SPATA6: variants seen among roughly 807,000 people sequenced by gnomAD.
SPATA6 encodes the protein spermatogenesis-associated protein 6.
SPATA6 carries 56 observed loss-of-function variants against 65.3 expected under a neutral mutation model. That is an observed-to-expected ratio of 0.86 (90% CI 0.69 to 1.07). The LOEUF is 1.07. SPATA6 is among the 50% of genes least tolerant of loss of function. SPATA6 has a pLI of 0.00. For missense variants in SPATA6, 590 were observed against 594.8 expected (o/e 0.99, Z 0.08); for synonymous variants, 199 against 213.2 (o/e 0.93, Z 0.58).
intron 11 of SPATA6, among the ~76,000 whole-genome samples, chr1:48,334,859 T>C (rs990700520): frequency 1.3e-5 from 2 of 152,184 alleles, no homozygotes; most frequent in African/African-American, 2.4e-5. Flanking sequence ...TGTGTGTATA[T>C]GACATGATTT....
chr1:48,320,298 C>G (rs1177259386), intron 11 of SPATA6, among the ~76,000 whole-genome samples: 1 of 152,194 alleles, frequency 6.6e-6, no homozygotes, highest in Non-Finnish European at 1.5e-5. Context: ...CCAACTAAGA[C>G]TACCTCAAGA....
At chr1:48,283,189 G>C in the SPATA6 span, among the ~76,000 whole-genome samples, 1 of 49,758 alleles carries the variant, frequency 2.0e-5, no homozygotes, top group South Asian at 1.0e-3. Context: ...GTTGTGGGGT[G>C]GGGGGAGGGG....
chr1:48,385,396 CT>C lies in SPATA6; in HGVS notation c.869-48del, dbSNP rs750518838. 5.2e-6 allele frequency: 8 copies of C among 1,544,634 alleles called. No individual in the cohort carries two copies. In the East Asian group the frequency reaches 6.9e-5, roughly 13 times the overall value. On this transcript the variant is annotated intron_variant, in intron 8 of 12. Transcript: ENST00000371847. ...AATTAAAGTTTAAATTTGGTTTCAT[CT>C]TTGATTTTTAATACTATCATTGTTT... is the stretch of plus-strand genomic sequence containing the variant.
chr1:48,470,935 G>C (rs1197597164), intron 1 of SPATA6, among the ~76,000 whole-genome samples: 1 of 152,142 alleles, frequency 6.6e-6, no homozygotes, highest in Non-Finnish European at 1.5e-5. Flanking sequence ...GTGAATTTTG[G>C]TTCCAAACTC....
chr1:48,367,860 G>C (rs1358929692), intron 9 of SPATA6, among the ~76,000 whole-genome samples: 7 of 152,124 alleles, frequency 4.6e-5, no homozygotes, highest in Non-Finnish European at 5.9e-5. Context: ...TGGTTATTTT[G>C]CTCATTAGTT....
chr1:48,425,388 T>C (rs1653740092), intron 3 of SPATA6, among the ~76,000 whole-genome samples: 3 of 152,182 alleles, frequency 2.0e-5, no homozygotes, highest in Non-Finnish European at 4.4e-5. Flanking sequence ...GCTGCAAGTA[T>C]TTTGTATTTC....
chr1:48,418,618 C>T (rs963839813), intron 3 of SPATA6, among the ~76,000 whole-genome samples: 2 of 142,372 alleles, frequency 1.4e-5, no homozygotes, highest in African/African-American at 5.2e-5. Flanking sequence ...GTCCCAGATA[C>T]TTGGGAGGCT....
chr1:48,299,702 T>C (rs1251013339), intron 12 of SPATA6, among the ~76,000 whole-genome samples: 2 of 152,016 alleles, frequency 1.3e-5, no homozygotes, highest in African/African-American at 4.8e-5. Flanking sequence ...CGTTATTAAA[T>C]ATGAGACACT....
At chr1:48,314,326 A>T (rs1201112600) in intron 11 of SPATA6, among the ~76,000 whole-genome samples, 101 of 152,160 alleles carry the variant, frequency 6.6e-4, no homozygotes, top group Admixed American at 6.5e-3. Context: ...AAGAACAGAA[A>T]TTATAACAAA....
chr1:48,341,662 T>C (rs1236671481), intron 11 of SPATA6, among the ~76,000 whole-genome samples: 2 of 152,190 alleles, frequency 1.3e-5, no homozygotes, highest in Non-Finnish European at 2.9e-5. Flanking sequence ...GAAAAAAACA[T>C]GGTTTCTGAG....
chr1:48,295,390 T>A lies in SPATA6; in HGVS notation c.*3323A>T, dbSNP rs1644796778. 6.6e-6 allele frequency: 1 copy of A among 152,168 alleles called. No homozygotes were observed. The highest frequency in any genetic ancestry group is 2.1e-4 in the South Asian group (1 of 4,832). The allele number at this position is 152,168 out of a possible 1,614,324, so 9.4% of individuals were successfully genotyped here. On this transcript the variant is annotated 3_prime_UTR_variant, in exon 13 of 13. Coordinates refer to ENST00000371847, the MANE Select transcript of SPATA6 (RefSeq NM_019073.4). ...AAATGTGGTATATTCATATGATGGA[T>A]TATTATTTAGTAATAAAAAGGAATG...
chr1:48,371,127 G>A (rs539954914), intron 9 of SPATA6, among the ~76,000 whole-genome samples: 51 of 152,194 alleles, frequency 3.4e-4, no homozygotes, highest in African/African-American at 1.2e-3. Context: ...AACACAACAT[G>A]ACAAGGCAGT....
At chr1:48,380,689 T>A (rs1237215062) in intron 9 of SPATA6, among the ~76,000 whole-genome samples, 2 of 152,226 alleles carry the variant, frequency 1.3e-5, no homozygotes, top group African/African-American at 4.8e-5. Flanking sequence ...TTATTATCAA[T>A]AAGCAAGATC....
intron 11 of SPATA6, among the ~76,000 whole-genome samples, chr1:48,353,584 A>G (rs573650168): frequency 6.6e-6 from 1 of 152,146 alleles, no homozygotes; most frequent in South Asian, 2.1e-4. Flanking sequence ...ACTGTGAAAC[A>G]AGGAATATTA....
At chr1:48,395,490 A>G in intron 7 of SPATA6, 136 bp from the exon 8 acceptor site, 2 of 447,978 alleles carry the variant, frequency 4.5e-6, no homozygotes, top group Non-Finnish European at 7.4e-6. Flanking sequence ...TGAGAGTCAG[A>G]CATGTTCCAA....
At chr1:48,374,748 T>G in intron 9 of SPATA6, among the ~76,000 whole-genome samples, 1 of 152,132 alleles carries the variant, frequency 6.6e-6, no homozygotes, top group Non-Finnish European at 1.5e-5. Context: ...TTGTCAAGAC[T>G]TTCTTTAAGA....
the SPATA6 span, among the ~76,000 whole-genome samples, chr1:48,285,477 G>GAAAAAAA: frequency 2.7e-4 from 35 of 127,736 alleles, no homozygotes; most frequent in East Asian, 6.8e-3. Context: ...ACTGGGGTAT[G>GAAAAAAA]AAAAAAAAAA....
intron 11 of SPATA6, among the ~76,000 whole-genome samples, chr1:48,335,074 G>A (rs1048099125): frequency 5.3e-5 from 8 of 151,986 alleles, no homozygotes; most frequent in African/African-American, 1.9e-4. Flanking sequence ...GTATGGCTAA[G>A]CAGGGAGGTG....
chr1:48,287,337 GC>G, the SPATA6 span, among the ~76,000 whole-genome samples: 1 of 152,150 alleles, frequency 6.6e-6, no homozygotes, highest in Admixed American at 6.5e-5. Flanking sequence ...CTCCCACCAG[GC>G]CCCACTTCCA....
Sources: gnomAD v4.1 joint callset for allele counts (sites outside exome capture counted in the v4.1 genomes callset) on GRCh38, gnomAD v4.1.1 for gene constraint, MANE v1.5 for transcripts, NCBI Gene and HGNC (gene_info 2026-07-23, HGNC 2026-07-21) for gene names.